Variants in ADCY1 observed in about 807,000 individuals in gnomAD.
The protein encoded by ADCY1 is adenylate cyclase 1, also known as adenylate cyclase type 1.
In ADCY1, 28 loss-of-function variants were observed where a neutral mutation model predicts 105.4. The ratio of observed to expected loss-of-function variants is 0.27; its 90% confidence interval spans 0.20 to 0.36. The LOEUF (loss-of-function observed/expected upper bound fraction) is 0.36, where lower values mean the gene tolerates loss of function less well. Ranked by LOEUF, ADCY1 falls within the 10% of genes least tolerant of loss-of-function variation. ADCY1 has a pLI of 1.00. For synonymous variants in ADCY1, 655 were observed against 623.8 expected (o/e 1.05, Z -0.75); for missense variants, 977 against 1,434.2 (o/e 0.68, Z 5.15).
At chr7:45,697,342 C>A (rs904277337) in intron 14 of ADCY1, among the ~76,000 whole-genome samples, 1 of 151,638 alleles carries the variant, frequency 6.6e-6, no homozygotes, top group Non-Finnish European at 1.5e-5. Context: ...CAGCTGTGCC[C>A]ACTGCAGCCT....
At chr7:45,630,737 T>G (rs1794222428) in intron 4 of ADCY1, among the ~76,000 whole-genome samples, 1 of 152,248 alleles carries the variant, frequency 6.6e-6, no homozygotes, top group South Asian at 2.1e-4. Flanking sequence ...GTCATTGTAT[T>G]CAGGGCTTAT....
intron 5 of ADCY1, among the ~76,000 whole-genome samples, chr7:45,650,937 A>G (rs1040964760): frequency 3.3e-5 from 5 of 151,864 alleles, no homozygotes; most frequent in Non-Finnish European, 7.4e-5. Flanking sequence ...TGCTCCATGA[A>G]CCTGTGTCCT....
At chr7:45,608,971 GA>G (rs1584266279) in intron 2 of ADCY1, among the ~76,000 whole-genome samples, 2 of 152,220 alleles carry the variant, frequency 1.3e-5, no homozygotes, top group African/African-American at 2.4e-5. Flanking sequence ...CTTGGCATCA[GA>G]CAGAGCTGGA....
intron 2 of ADCY1, 106 bp from the exon 3 acceptor site, chr7:45,610,273 C>T (rs1793497130): frequency 1.0e-6 from 1 of 966,736 alleles, no homozygotes. Flanking sequence ...TGGACGTGGG[C>T]CTACCCAGGC....
At chr7:45,603,373 G>A (rs1395755986) in intron 2 of ADCY1, among the ~76,000 whole-genome samples, 1 of 152,194 alleles carries the variant, frequency 6.6e-6, no homozygotes, top group Admixed American at 6.5e-5. Context: ...GCATTTTAAG[G>A]AGCTGCTAGA....
intron 4 of ADCY1, among the ~76,000 whole-genome samples, chr7:45,634,870 A>AACATAAAAT (rs1562699209): frequency 6.6e-6 from 1 of 152,206 alleles, no homozygotes; most frequent in Admixed American, 6.5e-5. Flanking sequence ...AATTTTGTTT[A>AACATAAAAT]GAAAATTTTT....
Position 45,592,820 on chromosome 7 carries a change from T to C in ADCY1, c.701T>C (p.Leu234Pro). The stretch of plus-strand genomic sequence containing the variant: ...ATGTATGGGGTCTTTGTGCGGATTC[T>C]GACTGAGCGTTCACAGAGGAAGGCG... Reference protein sequence around the residue: ...VNMYGVFVRILTERSQRKAFL... With the variant: ...VNMYGVFVRIPTERSQRKAFL... Residue 234 changes from leucine (L) to proline (P), a missense_variant, in exon 2 of 20, where the codon CTG becomes CCG. By Grantham distance (98) the Leu-to-Pro change is moderately conservative. This residue lies in a region of ADCY1 where 196 missense variants were observed against 347.8 expected (regional missense o/e 0.56). Coordinates refer to ENST00000297323, the MANE Select transcript of ADCY1 (RefSeq NM_021116.4). The C allele has an allele frequency of 6.2e-7, 1 of 1,614,266 alleles. No homozygotes were observed. Among genetic ancestry groups the C allele is most frequent in the Non-Finnish European group, 8.5e-7 (1 of 1,180,054 alleles).
At position 45,649,105 on chromosome 7, in the gene ADCY1, A is replaced by T. The variant is rs561018302; in HGVS notation, c.1148+308A>T. On this transcript the variant is annotated intron_variant, in intron 5 of 19. Transcript: ENST00000297323. ...ACAAAAATAAATTAGTCTTTAGCTT[A>T]GCCAGATAAGACATACAGAAAGGTT... Among the ~76,000 whole-genome samples the T allele has an allele frequency of 4.6e-5, 7 of 152,366 alleles. No homozygotes were observed. The South Asian group carries it at 1.4e-3, about 32-fold the overall frequency.
At chr7:45,713,284 A>G (rs1335600636) in intron 19 of ADCY1, among the ~76,000 whole-genome samples, 1 of 152,194 alleles carries the variant, frequency 6.6e-6, no homozygotes, top group Admixed American at 6.5e-5. Context: ...TGGAGCCACC[A>G]TGGAAGCTCA....
Position 45,703,365 on chromosome 7 carries a change from T to C in ADCY1, c.2455-11T>C. 6.2e-7 allele frequency: 1 copy of C among 1,613,558 alleles called. No homozygotes were observed. The highest frequency in any genetic ancestry group is 8.5e-7 in the Non-Finnish European group (1 of 1,179,656). On this transcript the variant is annotated splice_polypyrimidine_tract_variant and intron_variant, in intron 14 of 19. Transcript: ENST00000297323. This position sits in a 1 kb window ranked among gnomAD's most constrained non-coding sequence, Gnocchi z 5.9. ...AGTGGATGGGACTAATGGAGGCTCA[T>C]GATACCCCAGGCAGAGGAGGAGCGA... is the stretch of plus-strand genomic sequence containing the variant.
intron 8 of ADCY1, among the ~76,000 whole-genome samples, chr7:45,673,607 A>G (rs189435023): frequency 7.4e-4 from 112 of 152,208 alleles, no homozygotes; most frequent in Non-Finnish European, 5.9e-4. Flanking sequence ...CCTGCAGAGT[A>G]TGTAGTAAAA....
chr7:45,594,117 G>T (rs746806362), intron 2 of ADCY1, among the ~76,000 whole-genome samples: 2 of 152,196 alleles, frequency 1.3e-5, no homozygotes, highest in Non-Finnish European at 2.9e-5. Context: ...GGTTGCATGT[G>T]TGTGTGGCTT....
chr7:45,650,240 TATAAC>T (rs1794773784), intron 5 of ADCY1, among the ~76,000 whole-genome samples: 1 of 152,184 alleles, frequency 6.6e-6, no homozygotes, highest in Non-Finnish European at 1.5e-5. Context: ...TAATCTACCA[TATAAC>T]ATATCACATA....
chr7:45,601,375 G>C (rs1793233136), intron 2 of ADCY1, among the ~76,000 whole-genome samples: 1 of 152,184 alleles, frequency 6.6e-6, no homozygotes, highest in African/African-American at 2.4e-5. Flanking sequence ...AGATCCACCA[G>C]CCCTGAGTGT....
In ADCY1 at chr7:45,592,046, G is replaced by GT. The variant is rs1182124355; in HGVS notation, c.640-707dup. Reference sequence around the variant, plus strand: ...CCAAATCAACATCTGGGCTGTTTTCGTTTTTTGTTTTTTTTTTTTTGTGAA... The same window carrying GT: ...CCAAATCAACATCTGGGCTGTTTTCGTTTTTTTGTTTTTTTTTTTTTGTGAA... On this transcript the variant is annotated intron_variant, in intron 1 of 19. Coordinates refer to ENST00000297323, the MANE Select transcript of ADCY1 (RefSeq NM_021116.4). Among the ~76,000 whole-genome samples, 338 of 148,936 alleles carry GT rather than the reference G, an allele frequency of 2.3e-3. 1 individual carries two copies. The highest frequency in any genetic ancestry group is 7.0e-3 in the Middle Eastern group (2 of 286).
chr7:45,609,684 C>T (rs74938680), intron 2 of ADCY1, among the ~76,000 whole-genome samples: 4,759 of 152,176 alleles, frequency 0.031, 98 homozygotes, highest in African/African-American at 0.055. Context: ...CCCAACAGGT[C>T]AAGGGCCAGC....
At chr7:45,685,355 G>T (rs1784644907) in intron 12 of ADCY1, among the ~76,000 whole-genome samples, 1 of 151,660 alleles carries the variant, frequency 6.6e-6, no homozygotes, top group Admixed American at 6.6e-5. Context: ...GAGCTGGGCA[G>T]CAGTAACAGG....
Position 45,575,799 on chromosome 7 carries a change from C to T in ADCY1, c.639+617C>T, listed in dbSNP as rs1440648967. On this transcript the variant is annotated intron_variant, in intron 1 of 19. Transcript: ENST00000297323. The surrounding 1 kb of genome is among the most constrained non-coding windows in gnomAD (Gnocchi z 4.7). ...CAGTCTAGTCCCTGCCGCTGCCACTCGGCGGTTGCCCTGACCCTGCCTTTT... is the reference window on the plus strand; with the variant it reads ...CAGTCTAGTCCCTGCCGCTGCCACTTGGCGGTTGCCCTGACCCTGCCTTTT... Among the ~76,000 whole-genome samples, 2 of 152,262 alleles carry T rather than the reference C, an allele frequency of 1.3e-5. No individual in the cohort carries two copies. The highest frequency in any genetic ancestry group is 2.9e-5 in the Non-Finnish European group (2 of 68,046).
intron 1 of ADCY1, among the ~76,000 whole-genome samples, chr7:45,580,138 AAG>A (rs968855929): frequency 2.6e-4 from 40 of 152,210 alleles, no homozygotes; most frequent in Middle Eastern, 3.4e-3. Flanking sequence ...GTCTAGACAA[AAG>A]AGAGGGAGAA....
Sources: gnomAD v4.1 joint callset for allele counts (sites outside exome capture counted in the v4.1 genomes callset) on GRCh38, gnomAD v4.1.1 for gene constraint, gnomAD v4.1.1 regional missense constraint, Gnocchi (gnomAD v3.1) non-coding constraint, MANE v1.5 for transcripts, NCBI Gene and HGNC (gene_info 2026-07-23, HGNC 2026-07-21) for gene names.